The following GSG1L variants were observed in gnomAD, a reference collection of about 807,000 sequenced individuals.
GSG1L encodes the protein germ cell-specific gene 1-like protein.
In GSG1L, 24 loss-of-function variants were observed where a neutral mutation model predicts 42.1. The observed-to-expected ratio is 0.57, with a 90% CI of 0.41 to 0.80. The LOEUF is 0.80. GSG1L is among the 30% of genes least tolerant of loss of function. The pLI, the probability that GSG1L is intolerant of heterozygous loss-of-function variation, is 0.00. For missense variants in GSG1L, 445 were observed against 472.2 expected (o/e 0.94, Z 0.53); for synonymous variants, 215 against 203.5 (o/e 1.06, Z -0.48).
At chr16:27,882,254 A>G (rs1262624674) in intron 3 of GSG1L, among the ~76,000 whole-genome samples, 2 of 152,274 alleles carry the variant, frequency 1.3e-5, no homozygotes, top group East Asian at 3.9e-4. Context: ...GCCTTCCACC[A>G]TGATTGTGAG....
At chr16:27,940,759 C>G (rs925009184) in intron 2 of GSG1L, among the ~76,000 whole-genome samples, 2 of 147,218 alleles carry the variant, frequency 1.4e-5, no homozygotes, top group African/African-American at 5.1e-5. Context: ...TGCTAAATGA[C>G]GAGTTGATGG....
chr16:27,802,405 G>A (rs58402167), intron 6 of GSG1L, among the ~76,000 whole-genome samples: 3,407 of 152,110 alleles, frequency 0.022, 129 homozygotes, highest in African/African-American at 0.078. Context: ...TTCCTTATTA[G>A]CTGTTTGACG....
At chr16:27,942,938 G>C (rs2084817463) in intron 2 of GSG1L, among the ~76,000 whole-genome samples, 1 of 152,190 alleles carries the variant, frequency 6.6e-6, no homozygotes, top group African/African-American at 2.4e-5. Context: ...TCTCAGACTG[G>C]AGTATGCATG....
At chr16:28,000,102 C>T (rs1005113898) in intron 1 of GSG1L, among the ~76,000 whole-genome samples, 10 of 152,220 alleles carry the variant, frequency 6.6e-5, no homozygotes, top group African/African-American at 2.4e-4. Context: ...CGAGTTCAAC[C>T]TCAGATCTGT....
chr16:27,987,613 G>A (rs958224466), intron 1 of GSG1L, among the ~76,000 whole-genome samples: 40 of 152,174 alleles, frequency 2.6e-4, no homozygotes, highest in African/African-American at 6.3e-4. Flanking sequence ...TGGGTGCCAC[G>A]TGGGTACTTG....
intron 1 of GSG1L, among the ~76,000 whole-genome samples, chr16:28,024,611 C>T (rs780104174): frequency 3.3e-5 from 5 of 152,194 alleles, no homozygotes; most frequent in East Asian, 1.9e-4. Context: ...GGGCAGAAGT[C>T]GCCCTCAGAG....
At chr16:27,945,946 G>C (rs2084855385) in intron 2 of GSG1L, among the ~76,000 whole-genome samples, 1 of 152,242 alleles carries the variant, frequency 6.6e-6, no homozygotes, top group Admixed American at 6.5e-5. Context: ...GGTCCCCTCA[G>C]CTGCTGCCTC....
intron 5 of GSG1L, among the ~76,000 whole-genome samples, chr16:27,819,817 T>C (rs1330495316): frequency 6.6e-6 from 1 of 152,092 alleles, no homozygotes; most frequent in Non-Finnish European, 1.5e-5. Flanking sequence ...GACGTTAGCA[T>C]ATTGAGGAGG....
chr16:27,999,177 TCA>T (rs769465678), intron 1 of GSG1L, among the ~76,000 whole-genome samples: 4 of 152,206 alleles, frequency 2.6e-5, no homozygotes, highest in Non-Finnish European at 4.4e-5. Flanking sequence ...GCGCAGTGGC[TCA>T]CACGTGTAAT....
At chr16:27,877,276 G>A (rs765500242) in intron 3 of GSG1L, among the ~76,000 whole-genome samples, 1 of 152,156 alleles carries the variant, frequency 6.6e-6, no homozygotes, top group South Asian at 2.1e-4. Context: ...GAGAAAGGCC[G>A]TGGTCTAGTT....
At chr16:27,821,845 A>G (rs2140958526) in intron 5 of GSG1L, among the ~76,000 whole-genome samples, 1 of 152,304 alleles carries the variant, frequency 6.6e-6, no homozygotes, top group South Asian at 2.1e-4. Flanking sequence ...CAGAGCTTGC[A>G]GTGAGCAGAG....
rs150614035 is a variant in GSG1L at position 27,986,292 on chromosome 16, G to T, written c.350-23089C>A. On this transcript the variant is annotated intron_variant, in intron 1 of 6. Coordinates refer to ENST00000447459, the MANE Select transcript of GSG1L (RefSeq NM_001109763.2). ...AGGCAGGCAGATCTCTTGAGGCCAG[G>T]AGTTTGAGACCAGCCTGGACAATAT... Among the ~76,000 whole-genome samples, 592 of 152,242 alleles carry T rather than the reference G, an allele frequency of 3.9e-3. 6 individuals carry two copies. The highest frequency in any genetic ancestry group is 0.014 in the African/African-American group (568 of 41,532).
intron 6 of GSG1L, among the ~76,000 whole-genome samples, chr16:27,801,510 G>A (rs568095223): frequency 1.3e-3 from 201 of 152,274 alleles, no homozygotes; most frequent in African/African-American, 3.9e-3. Context: ...GCTGCTCCCC[G>A]CAGAAATATT....
At position 27,790,355 on chromosome 16, in the gene GSG1L, G is replaced by A. The variant is rs1344302527; in HGVS notation, c.*1015C>T. On this transcript the variant is annotated 3_prime_UTR_variant, in exon 7 of 7. Transcript: ENST00000447459. ...TCTGGGAAGGAATAAGGCCTCTTGG[G>A]AAATGACTGAACTTGGAGTCAGGAG... 6.6e-6 allele frequency: 1 copy of A among 152,168 alleles called. No individual in the cohort carries two copies. The highest frequency in any genetic ancestry group is 6.5e-5 in the Admixed American group (1 of 15,280). 9.4% of individuals were successfully genotyped at this position (152,168 alleles called of 1,614,324 possible).
intron 5 of GSG1L, among the ~76,000 whole-genome samples, chr16:27,815,300 C>T (rs1716153174): frequency 6.6e-6 from 1 of 152,074 alleles, no homozygotes; most frequent in South Asian, 2.1e-4. Context: ...TTTAAAGGAG[C>T]CTGGCATCTC....
intron 2 of GSG1L, among the ~76,000 whole-genome samples, chr16:27,930,308 C>T (rs1340515007): frequency 6.6e-6 from 1 of 152,228 alleles, no homozygotes; most frequent in Non-Finnish European, 1.5e-5. Flanking sequence ...CCCCTCACCT[C>T]CTGGGGGTCT....
At chr16:27,964,511 T>G (rs1197716198) in intron 1 of GSG1L, among the ~76,000 whole-genome samples, 1 of 152,198 alleles carries the variant, frequency 6.6e-6, no homozygotes, top group Non-Finnish European at 1.5e-5. Flanking sequence ...TATCCAAGAT[T>G]TGGAAGCATC....
intron 1 of GSG1L, among the ~76,000 whole-genome samples, chr16:28,039,452 C>T (rs1006580022): frequency 1.3e-5 from 2 of 152,158 alleles, no homozygotes; most frequent in Non-Finnish European, 2.9e-5. Flanking sequence ...CCCCCACCCC[C>T]ACAGCAAAGA....
chr16:27,822,548 A>C (rs1341353252), intron 5 of GSG1L, among the ~76,000 whole-genome samples: 2 of 152,174 alleles, frequency 1.3e-5, no homozygotes, highest in Non-Finnish European at 2.9e-5. Flanking sequence ...TCCCTGAGTA[A>C]CTGGGACCAC....
Sources: allele counts gnomAD v4.1 joint callset (sites outside exome capture counted in the v4.1 genomes callset), GRCh38; gene constraint gnomAD v4.1.1; transcripts MANE v1.5; gene names NCBI Gene and HGNC (gene_info 2026-07-23, HGNC 2026-07-21).